The following DLG2 variants were observed in gnomAD, a reference collection of about 807,000 sequenced individuals.
DLG2 encodes disks large homolog 2.
A neutral mutation model predicts 132.5 loss-of-function variants in DLG2; 45 were observed. The observed-to-expected ratio is 0.34, with a 90% CI of 0.27 to 0.44. DLG2 has a LOEUF of 0.44. DLG2 is among the 20% of genes least tolerant of loss of function. DLG2 has a pLI of 1.00. For missense variants in DLG2, 1,045 were observed against 1,196.9 expected, an observed-to-expected ratio of 0.87 and a Z score of 1.87; for synonymous variants, 424 against 419.6, an observed-to-expected ratio of 1.01 and a Z score of -0.13.
At chr11:85,457,997 A>T (rs1440254544) in intron 3 of DLG2, among the ~76,000 whole-genome samples, 1 of 152,100 alleles carries the variant, frequency 6.6e-6, no homozygotes, top group Non-Finnish European at 1.5e-5. Context: ...GAGGTTGGGG[A>T]AGCTTTCACA....
chr11:84,896,050 G>T (rs1425919680), intron 6 of DLG2, among the ~76,000 whole-genome samples: 2 of 152,000 alleles, frequency 1.3e-5, no homozygotes, highest in Non-Finnish European at 2.9e-5. Context: ...AGTGAGCACA[G>T]AAAACAATGA....
At chr11:84,014,665 G>A (rs1217457457) in intron 11 of DLG2, among the ~76,000 whole-genome samples, 2 of 152,080 alleles carry the variant, frequency 1.3e-5, no homozygotes, top group Admixed American at 1.3e-4. Context: ...TCTTAGAAAA[G>A]TTCAACAACA....
chr11:85,151,138 T>C (rs750675601), intron 5 of DLG2, among the ~76,000 whole-genome samples: 9 of 152,208 alleles, frequency 5.9e-5, no homozygotes, highest in Non-Finnish European at 8.8e-5. Context: ...ACATTTTTCA[T>C]AGATGTATTG....
chr11:85,163,243 A>G (rs2078177031), intron 4 of DLG2, among the ~76,000 whole-genome samples: 1 of 151,764 alleles, frequency 6.6e-6, no homozygotes, highest in Non-Finnish European at 1.5e-5. Context: ...ACACACACAC[A>G]CTATTAGTTC....
intron 7 of DLG2, among the ~76,000 whole-genome samples, chr11:84,363,070 C>T (rs1290145573): frequency 6.7e-6 from 1 of 149,738 alleles, no homozygotes; most frequent in Non-Finnish European, 1.5e-5. Context: ...TTCTAGATCC[C>T]TGAGGAATCG....
At chr11:84,751,988 A>C (rs2066174332) in intron 6 of DLG2, among the ~76,000 whole-genome samples, 2 of 152,314 alleles carry the variant, frequency 1.3e-5, no homozygotes, top group African/African-American at 4.8e-5. Context: ...TCCAGTAGCA[A>C]GGTAACAGGG....
At chr11:84,708,509 CTGGGT>C (rs2060018575) in intron 6 of DLG2, among the ~76,000 whole-genome samples, 3 of 151,760 alleles carry the variant, frequency 2.0e-5, no homozygotes, top group Non-Finnish European at 4.4e-5. Context: ...TTTGCATATT[CTGGGT>C]TTCCTATTTA....
At chr11:84,859,160 T>C (rs999168287) in intron 6 of DLG2, among the ~76,000 whole-genome samples, 2 of 151,642 alleles carry the variant, frequency 1.3e-5, no homozygotes, top group Non-Finnish European at 2.9e-5. Flanking sequence ...AAATAAATGT[T>C]TCTTCACTTC....
chr11:84,584,458 A>G (rs1210471044), intron 6 of DLG2, among the ~76,000 whole-genome samples: 1 of 148,902 alleles, frequency 6.7e-6, no homozygotes, highest in Non-Finnish European at 1.5e-5. Flanking sequence ...GTGATCCTCC[A>G]GCCTCAGGCT....
intron 6 of DLG2, among the ~76,000 whole-genome samples, chr11:85,009,358 T>C (rs1206252853): frequency 6.6e-6 from 1 of 152,076 alleles, no homozygotes; most frequent in Non-Finnish European, 1.5e-5. Context: ...ATAAATGGAA[T>C]CATTTGATTG....
In DLG2 at chr11:85,508,815, A is replaced by C. The variant is rs2093993528; in HGVS notation, c.40+89842T>G. ...ATAAGCTATTATTCCGAGACAGTAA[A>C]ATAGCACCTAGCTTAGCATCTGACA... is the stretch of plus-strand genomic sequence containing the variant. On this transcript the variant is annotated intron_variant, in intron 3 of 27. Coordinates refer to ENST00000376104, the MANE Select transcript of DLG2 (RefSeq NM_001142699.3). Among the ~76,000 whole-genome samples, 3 of 152,082 alleles carry C rather than the reference A, an allele frequency of 2.0e-5. No homozygotes were observed. In the South Asian group the frequency reaches 6.2e-4, roughly 31 times the overall value.
intron 4 of DLG2, among the ~76,000 whole-genome samples, chr11:85,167,839 G>T (rs2078571641): frequency 6.6e-6 from 1 of 152,046 alleles, no homozygotes; most frequent in African/African-American, 2.4e-5. Flanking sequence ...ATAAGGAAAA[G>T]ATATTACTTT....
At chr11:85,028,085 A>G (rs938706296) in intron 6 of DLG2, among the ~76,000 whole-genome samples, 2 of 152,192 alleles carry the variant, frequency 1.3e-5, no homozygotes, top group African/African-American at 4.8e-5. Flanking sequence ...TCCTTTCTGC[A>G]GGCAGGTTGT....
At chr11:85,034,157 A>AGTG (rs1294262694) in intron 6 of DLG2, among the ~76,000 whole-genome samples, 1 of 151,006 alleles carries the variant, frequency 6.6e-6, no homozygotes, top group African/African-American at 2.4e-5. Flanking sequence ...GGCTCACTGC[A>AGTG]AGCTCCACCT....
chr11:85,397,194 T>G (rs286030), intron 3 of DLG2, among the ~76,000 whole-genome samples: 131,949 of 152,146 alleles, frequency 0.87, 57,603 homozygotes, highest in Non-Finnish European at 0.92. Flanking sequence ...CTTAAGAGAA[T>G]GAGAAATAAA....
rs2059982548 is a variant in DLG2 at position 85,020,744 on chromosome 11, T to C, written c.357+90917A>G. The stretch of plus-strand genomic sequence containing the variant: ...TATGTGGAAAGCTGAAACTGGATAA[T>C]GGGATAAGATTTCTAAACCCTGCTA... On this transcript the variant is annotated intron_variant, in intron 6 of 27. Coordinates refer to ENST00000376104, the MANE Select transcript of DLG2 (RefSeq NM_001142699.3). 9.2e-6 allele frequency: 6 copies of C among 649,944 alleles called. No individual in the cohort carries two copies. The Middle Eastern group carries it at 1.7e-3, about 188-fold the overall frequency. 40.3% of individuals were successfully genotyped at this position (649,944 alleles called of 1,614,324 possible).
chr11:84,854,670 A>G (rs11234204), intron 6 of DLG2, among the ~76,000 whole-genome samples: 1 of 152,004 alleles, frequency 6.6e-6, no homozygotes, highest in African/African-American at 2.4e-5. Context: ...GGGCATCTGC[A>G]TGATTTATAC....
chr11:84,670,047 G>A (rs2099704071), intron 6 of DLG2, among the ~76,000 whole-genome samples: 1 of 152,142 alleles, frequency 6.6e-6, no homozygotes, highest in Admixed American at 6.6e-5. Flanking sequence ...TGGGCATGAT[G>A]GCAAAATGTA....
intron 10 of DLG2, among the ~76,000 whole-genome samples, chr11:84,077,916 T>C (rs1435727991): frequency 6.6e-6 from 1 of 152,186 alleles, no homozygotes; most frequent in Non-Finnish European, 1.5e-5. Flanking sequence ...CAAAAACACA[T>C]GTACAAATAT....
Sources: allele counts gnomAD v4.1 joint callset (sites outside exome capture counted in the v4.1 genomes callset), GRCh38; gene constraint gnomAD v4.1.1; transcripts MANE v1.5; gene names NCBI Gene and HGNC (gene_info 2026-07-23, HGNC 2026-07-21).